Variants in PRR11 observed in about 807,000 individuals in gnomAD.
The protein encoded by PRR11 is proline-rich protein 11.
A neutral mutation model predicts 45.6 loss-of-function variants in PRR11; 30 were observed. The ratio of observed to expected loss-of-function variants is 0.66; its 90% CI spans 0.49 to 0.89. The LOEUF is 0.89. Ranked by LOEUF, PRR11 falls within the 40% of genes least tolerant of loss-of-function variation. The pLI is 0.00. For synonymous variants in PRR11, 128 were observed against 153.5 expected, an observed-to-expected ratio of 0.83 and a Z score of 1.23; for missense variants, 373 against 424.8, an observed-to-expected ratio of 0.88 and a Z score of 1.07.
chr17:59,183,300 C>T (rs1568323726), intron 2 of PRR11, among the ~76,000 whole-genome samples: 1 of 152,150 alleles, frequency 6.6e-6, no homozygotes, highest in African/African-American at 2.4e-5. Context: ...TTGGGGTCTC[C>T]TCTTCTCTGT....
At chr17:59,188,186 A>G (rs2046823189) in intron 4 of PRR11, among the ~76,000 whole-genome samples, 1 of 152,180 alleles carries the variant, frequency 6.6e-6, no homozygotes, top group Admixed American at 6.6e-5. Context: ...ATTGGGAGGC[A>G]ATTAGTAGTC....
chr17:59,197,839 G>T, intron 9 of PRR11, 50 bp downstream of exon 9: 1 of 1,545,194 alleles, frequency 6.5e-7, no homozygotes. Flanking sequence ...AAATAATTTG[G>T]CCTGGTGTGG....
At chr17:59,165,399 CAAT>C (rs1368518408) in intron 1 of PRR11, among the ~76,000 whole-genome samples, 1 of 152,092 alleles carries the variant, frequency 6.6e-6, no homozygotes, top group East Asian at 1.9e-4. Flanking sequence ...TGCAGTGGCA[CAAT>C]AATAGTTCAT....
intron 2 of PRR11, among the ~76,000 whole-genome samples, chr17:59,183,978 C>T (rs2046801405): frequency 8.6e-6 from 1 of 116,876 alleles, no homozygotes; most frequent in Non-Finnish European, 1.7e-5. Flanking sequence ...GTGGCTGGCA[C>T]CTTGTTCCAA....
intron 2 of PRR11, among the ~76,000 whole-genome samples, chr17:59,179,329 TG>T (rs1262154184): frequency 6.6e-6 from 1 of 152,148 alleles, no homozygotes; most frequent in Non-Finnish European, 1.5e-5. Flanking sequence ...TGGAGTGCAG[TG>T]GTGCCATCAT....
rs138388461 is a variant in PRR11 at position 59,169,823 on chromosome 17, C to T, written c.71C>T (p.Ala24Val). The change falls in exon 2 of 10, where the codon GCC (alanine) becomes GTC (valine). Residue 24 changes from alanine to valine, a missense_variant. By Grantham distance (64) the Ala-to-Val change is moderately conservative (BLOSUM62 0). Coordinates refer to ENST00000262293, the MANE Select transcript of PRR11 (RefSeq NM_018304.4). The part of the protein sequence containing the change: ...KAERLFKKKE[A>V]SHFQSKLITP... ...GAAAGATTATTCAAAAAAAAAGAAG[C>T]CTCTCACTTTCAGTCCAAGCTAATT... is the stretch of plus-strand genomic sequence containing the variant. The T allele has an allele frequency of 6.2e-7, 1 of 1,612,110 alleles. No individual in the cohort carries two copies. Among genetic ancestry groups the T allele is most frequent in the African/African-American group, 1.3e-5 (1 of 74,774 alleles).
rs145677051 is a variant in PRR11 at position 59,193,572 on chromosome 17, C to G, written c.483C>G (p.Cys161Trp). The change falls in exon 5 of 10, where the codon TGC becomes TGG. Residue 161 changes from cysteine (C) to tryptophan (W), a missense_variant. Transcript: ENST00000262293. ...MSGKLTNVPA[C>W]VLITPGDSKA... is the part of the protein sequence containing the mutation. ...GTAAACTTACAAATGTGCCTGCCTG[C>G]GTTCTGATCACCCCTGGAGACTCCA... The G allele has an allele frequency of 6.2e-7, 1 of 1,614,156 alleles. No homozygotes were observed. Among genetic ancestry groups the G allele is most frequent in the East Asian group, 2.2e-5 (1 of 44,892 alleles).
At chr17:59,201,425 G>A in intron 9 of PRR11, 138 bp from the exon 10 acceptor site, 1 of 801,560 alleles carries the variant, frequency 1.2e-6, no homozygotes, top group Non-Finnish European at 2.0e-6. Context: ...GATTGCATCA[G>A]GGAAACTGGG....
chr17:59,186,381 ATTTTTTTTTTTTTTTTTTTT>A (rs59082405), intron 4 of PRR11, among the ~76,000 whole-genome samples: 1 of 84,610 alleles, frequency 1.2e-5, no homozygotes, highest in Non-Finnish European at 2.3e-5. Context: ...GCTGTTTGTA[ATTTTTTTTTTTTTTTTTTTT>A]TTTTTTTTTT....
At chr17:59,173,960 T>A (rs1437945006) in intron 2 of PRR11, among the ~76,000 whole-genome samples, 3 of 152,202 alleles carry the variant, frequency 2.0e-5, no homozygotes, top group Non-Finnish European at 4.4e-5. Flanking sequence ...GAGGCGGCTC[T>A]CTAGACAGGA....
intron 1 of PRR11, among the ~76,000 whole-genome samples, chr17:59,156,536 C>G (rs902040587): frequency 6.6e-6 from 1 of 151,868 alleles, no homozygotes; most frequent in African/African-American, 2.4e-5. Context: ...TGTGGAGGAG[C>G]GCAAGAGACT....
intron 9 of PRR11, among the ~76,000 whole-genome samples, chr17:59,199,952 C>A (rs754805542): frequency 3.5e-4 from 53 of 152,164 alleles, no homozygotes; most frequent in Admixed American, 5.9e-4. Context: ...AGGGACGAGG[C>A]CTCACGGGTC....
At chr17:59,180,127 CT>C (rs564643757) in intron 2 of PRR11, among the ~76,000 whole-genome samples, 9,839 of 114,882 alleles carry the variant, frequency 0.086, 699 homozygotes, top group African/African-American at 0.24. Flanking sequence ...TGAGTCTCTC[CT>C]TTTTTTTTTT....
intron 1 of PRR11, among the ~76,000 whole-genome samples, chr17:59,161,380 C>T (rs2046651641): frequency 6.9e-6 from 1 of 145,174 alleles, no homozygotes. Context: ...GCACTCCAGC[C>T]TGGCCAGGCA....
intron 2 of PRR11, among the ~76,000 whole-genome samples, chr17:59,175,401 G>A (rs1238117595): frequency 6.6e-6 from 1 of 152,220 alleles, no homozygotes. Flanking sequence ...GAGGCAGGAG[G>A]ATCATTTGAG....
chr17:59,173,731 C>T (rs2046725654), intron 2 of PRR11, among the ~76,000 whole-genome samples: 1 of 152,204 alleles, frequency 6.6e-6, no homozygotes, highest in African/African-American at 2.4e-5. Flanking sequence ...CCACCAATTC[C>T]AGACACAGAA....
intron 6 of PRR11, 92 bp from the exon 7 acceptor site, chr17:59,195,239 C>T: frequency 1.1e-6 from 1 of 946,308 alleles, no homozygotes; most frequent in South Asian, 1.4e-5. Flanking sequence ...CTTACACAAA[C>T]TCAGCACTCA....
At chr17:59,175,385 G>C (rs1337945384) in intron 2 of PRR11, among the ~76,000 whole-genome samples, 5 of 152,248 alleles carry the variant, frequency 3.3e-5, no homozygotes, top group South Asian at 2.1e-4. Flanking sequence ...AGCACATTGG[G>C]AGGCTGAGGC....
intron 2 of PRR11, among the ~76,000 whole-genome samples, 192 bp from the exon 3 acceptor site, chr17:59,184,850 GTTTTTTTTTTTT>G (rs5821252): frequency 2.8e-5 from 2 of 72,692 alleles, no homozygotes; most frequent in African/African-American, 1.2e-4. Flanking sequence ...GCCTGATTAA[GTTTTTTTTTTTT>G]TTTTTTTTTT....
Sources: gnomAD v4.1 joint callset for allele counts (sites outside exome capture counted in the v4.1 genomes callset) on GRCh38, gnomAD v4.1.1 for gene constraint, MANE v1.5 for transcripts, NCBI Gene and HGNC (gene_info 2026-07-23, HGNC 2026-07-21) for gene names.